PXDNL: variants seen among roughly 807,000 people sequenced by gnomAD.
PXDNL encodes the protein peroxidasin like.
PXDNL carries 145 observed loss-of-function variants against 150.8 expected under a neutral mutation model. The ratio of observed to expected loss-of-function variants is 0.96; its 90% CI spans 0.84 to 1.10. The LOEUF is 1.10. Among genes scored for constraint, PXDNL ranks in the 50% least tolerant of loss-of-function variants. The pLI is 0.00. For synonymous variants in PXDNL, 757 were observed against 725.7 expected (o/e 1.04, Z -0.69); for missense variants, 2,087 against 1,873.9 (o/e 1.11, Z -2.10).
intron 1 of PXDNL, among the ~76,000 whole-genome samples, chr8:51,760,997 G>C (rs1439543466): frequency 6.8e-6 from 1 of 147,132 alleles, no homozygotes; most frequent in Admixed American, 6.8e-5. Flanking sequence ...TAGCTGGTTC[G>C]ACAGGCGCCC....
intron 4 of PXDNL, among the ~76,000 whole-genome samples, chr8:51,523,827 G>A (rs1163032019): frequency 6.6e-6 from 1 of 152,170 alleles, no homozygotes; most frequent in Non-Finnish European, 1.5e-5. Flanking sequence ...ATTCAAAATT[G>A]AACTAGACCA....
chr8:51,479,294 G>A (rs968179846), intron 6 of PXDNL, among the ~76,000 whole-genome samples: 1 of 152,148 alleles, frequency 6.6e-6, no homozygotes, highest in African/African-American at 2.4e-5. Flanking sequence ...AACACTGCAT[G>A]GGAATTATAA....
At chr8:51,327,844 G>A (rs1024635310) in intron 21 of PXDNL, among the ~76,000 whole-genome samples, 1 of 152,184 alleles carries the variant, frequency 6.6e-6, no homozygotes, top group African/African-American at 2.4e-5. Context: ...GAGAGCTAAG[G>A]TTGAAGGGCA....
At chr8:51,717,814 C>T (rs765601909) in intron 1 of PXDNL, among the ~76,000 whole-genome samples, 1 of 152,188 alleles carries the variant, frequency 6.6e-6, no homozygotes, top group African/African-American at 2.4e-5. Flanking sequence ...GGCAGTGTCA[C>T]CCTGCAGGAT....
chr8:51,792,495 A>G (rs2037522878), intron 1 of PXDNL, among the ~76,000 whole-genome samples: 1 of 152,180 alleles, frequency 6.6e-6, no homozygotes, highest in Non-Finnish European at 1.5e-5. Flanking sequence ...CTCAGCAACC[A>G]CTCAGCTGGA....
chr8:51,359,748 G>A (rs1040031123), intron 19 of PXDNL, among the ~76,000 whole-genome samples: 6 of 151,950 alleles, frequency 3.9e-5, no homozygotes, highest in African/African-American at 9.7e-5. Flanking sequence ...AAGATCTTAC[G>A]GAATCCCATT....
chr8:51,345,906 A>G lies in PXDNL; in HGVS notation c.3943T>C (p.Ser1315Pro), dbSNP rs757055142. The change falls in exon 20 of 23, where the codon TCT (serine) becomes CCT (proline). Residue 1315 changes from serine (S) to proline (P), a missense_variant. By Grantham distance (74) the Ser-to-Pro change is moderately conservative. Coordinates refer to ENST00000356297, the MANE Select transcript of PXDNL (RefSeq NM_144651.5). ...RGQFRAVTQE[S>P]QKKRSAQYSY... Reference sequence around the variant, plus strand: ...TATTGAGCTGAGCGTTTCTTTTGAGACTCTTGCGTCACTGCTCTGAACTGT... The same window carrying G: ...TATTGAGCTGAGCGTTTCTTTTGAGGCTCTTGCGTCACTGCTCTGAACTGT... The G allele has an allele frequency of 1.2e-6, 2 of 1,613,448 alleles. No individual in the cohort carries two copies. The highest frequency in any genetic ancestry group is 1.3e-5 in the African/African-American group (1 of 74,834).
At chr8:51,691,950 A>T (rs954676947) in intron 1 of PXDNL, among the ~76,000 whole-genome samples, 1 of 152,180 alleles carries the variant, frequency 6.6e-6, no homozygotes, top group African/African-American at 2.4e-5. Context: ...TCTCCATTGA[A>T]TTTATAACCT....
intron 8 of PXDNL, among the ~76,000 whole-genome samples, chr8:51,470,816 C>T (rs1331491389): frequency 1.3e-5 from 2 of 152,070 alleles, no homozygotes; most frequent in African/African-American, 4.8e-5. Context: ...CTTCCTTACA[C>T]CTTATACAAA....
chr8:51,745,192 C>T lies in PXDNL; in HGVS notation c.164+63989G>A, dbSNP rs546481787. 1.7e-3 allele frequency among the ~76,000 whole-genome samples: 265 copies of T among 152,180 alleles called. 1 individual carries two copies. The highest frequency in any genetic ancestry group is 6.2e-3 in the African/African-American group (256 of 41,526). ...AAAATACCAAGTGCCTATAAGATAA[C>T]TTAAATATAAAACCGGCTCTAGATA... On this transcript the variant is annotated intron_variant, in intron 1 of 22. Coordinates refer to ENST00000356297, the MANE Select transcript of PXDNL (RefSeq NM_144651.5).
intron 12 of PXDNL, among the ~76,000 whole-genome samples, chr8:51,427,171 A>G (rs561389448): frequency 6.6e-6 from 1 of 152,352 alleles, no homozygotes; most frequent in South Asian, 2.1e-4. Flanking sequence ...CAAAAAACAC[A>G]AACTACCATA....
intron 4 of PXDNL, among the ~76,000 whole-genome samples, chr8:51,529,185 A>G (rs887048351): frequency 2.0e-5 from 3 of 152,132 alleles, no homozygotes; most frequent in Non-Finnish European, 4.4e-5. Context: ...GTACACAAAA[A>G]TATTTGTCAG....
intron 21 of PXDNL, among the ~76,000 whole-genome samples, chr8:51,326,895 A>G (rs1290325996): frequency 6.6e-6 from 1 of 152,186 alleles, no homozygotes; most frequent in Non-Finnish European, 1.5e-5. Context: ...TAGTTATGAT[A>G]AAGTCAGAGT....
At chr8:51,447,296 G>T in intron 11 of PXDNL, 134 bp from the exon 12 acceptor site, 1 of 807,690 alleles carries the variant, frequency 1.2e-6, no homozygotes, top group Non-Finnish European at 1.8e-6. Flanking sequence ...TGTGCGTTGT[G>T]CCCTAGGATT....
At chr8:51,526,608 T>C (rs967966664) in intron 4 of PXDNL, among the ~76,000 whole-genome samples, 2 of 152,208 alleles carry the variant, frequency 1.3e-5, no homozygotes, top group Non-Finnish European at 2.9e-5. Flanking sequence ...TAAATAATTG[T>C]TCTTCCTGTC....
intron 17 of PXDNL, 102 bp downstream of exon 17, chr8:51,407,965 G>A: frequency 1.1e-6 from 1 of 944,414 alleles, no homozygotes; most frequent in Middle Eastern, 3.4e-4. Flanking sequence ...TAAAAGCTCT[G>A]CAGCACCCCC....
intron 4 of PXDNL, among the ~76,000 whole-genome samples, chr8:51,530,724 C>T (rs77613517): frequency 0.014 from 2,076 of 152,222 alleles, 25 homozygotes; most frequent in African/African-American, 0.03. Flanking sequence ...GAGGCTCCTT[C>T]GCTCCCTCCA....
chr8:51,569,599 T>G (rs60163329), intron 3 of PXDNL, among the ~76,000 whole-genome samples: 10,792 of 152,066 alleles, frequency 0.071, 985 homozygotes, highest in African/African-American at 0.22. Context: ...ATGTGAAAAT[T>G]CTATCTAAAA....
At chr8:51,651,970 T>C (rs1401104716) in intron 2 of PXDNL, among the ~76,000 whole-genome samples, 1 of 152,190 alleles carries the variant, frequency 6.6e-6, no homozygotes, top group African/African-American at 2.4e-5. Context: ...GGATTTTTTA[T>C]TAAGTAAACC....
Sources: gnomAD v4.1 joint callset for allele counts (sites outside exome capture counted in the v4.1 genomes callset) on GRCh38, gnomAD v4.1.1 for gene constraint, MANE v1.5 for transcripts, NCBI Gene and HGNC (gene_info 2026-07-23, HGNC 2026-07-21) for gene names.